Variants in VIPR1 observed in about 807,000 individuals in gnomAD.
The protein encoded by VIPR1 is vasoactive intestinal polypeptide receptor 1.
VIPR1 carries 59 observed loss-of-function variants against 58.8 expected under a neutral mutation model. The ratio of observed to expected loss-of-function variants is 1.00; its 90% CI spans 0.81 to 1.25. The LOEUF is 1.25. Ranked by LOEUF, VIPR1 falls within the 50% of genes most tolerant of loss-of-function variation. The pLI is 0.00. For missense variants in VIPR1, 626 were observed against 602.7 expected (o/e 1.04, Z -0.40); for synonymous variants, 251 against 242.1 (o/e 1.04, Z -0.34).
chr3:42,530,771 C>G lies in VIPR1; in HGVS notation c.637-8C>G. 1 of 1,613,604 alleles carries G rather than the reference C, an allele frequency of 6.2e-7. No homozygotes were observed. The highest frequency in any genetic ancestry group is 8.5e-7 in the Non-Finnish European group (1 of 1,179,618). ...CAGTGAACCCCGTCTTTTCTCCTCCCCCTGCAGGTGGGCTGTAAGGCAGCC... is the reference window on the plus strand; with the variant it reads ...CAGTGAACCCCGTCTTTTCTCCTCCGCCTGCAGGTGGGCTGTAAGGCAGCC... On this transcript the variant is annotated splice_polypyrimidine_tract_variant and splice_region_variant and intron_variant, in intron 6 of 12. Coordinates refer to ENST00000325123, the MANE Select transcript of VIPR1 (RefSeq NM_004624.4).
At chr3:42,494,143 A>C (rs1012993328) in intron 1 of VIPR1, among the ~76,000 whole-genome samples, 2 of 152,254 alleles carry the variant, frequency 1.3e-5, no homozygotes, top group African/African-American at 4.8e-5. Context: ...ACAACTTTGT[A>C]CTTTATTGAC....
At chr3:42,508,420 C>T (rs1448692924) in intron 1 of VIPR1, among the ~76,000 whole-genome samples, 1 of 152,174 alleles carries the variant, frequency 6.6e-6, no homozygotes, top group South Asian at 2.1e-4. Flanking sequence ...TGAAGAGGGG[C>T]TACTACTTCC....
At chr3:42,513,894 G>T in intron 2 of VIPR1, 40 bp downstream of exon 2, 1 of 1,534,114 alleles carries the variant, frequency 6.5e-7, no homozygotes, top group South Asian at 1.2e-5. Context: ...CATGCCCCCA[G>T]GGAGCCCAAG....
chr3:42,506,771 A>G, intron 1 of VIPR1: 1 of 152,070 alleles, frequency 6.6e-6, no homozygotes, highest in East Asian at 1.9e-4. Context: ...CAGGTGATCC[A>G]CCTGCCTCAG....
intron 3 of VIPR1, among the ~76,000 whole-genome samples, chr3:42,524,114 C>A (rs369983510): frequency 1.3e-4 from 20 of 152,202 alleles, no homozygotes; most frequent in Non-Finnish European, 2.6e-4. Flanking sequence ...CGCACCCAGC[C>A]CTTAACCCTG....
chr3:42,536,097 C>T lies in VIPR1; in HGVS notation c.1190C>T (p.Ala397Val), dbSNP rs1034713634. 1 of 1,600,026 alleles carries T rather than the reference C, an allele frequency of 6.2e-7. No homozygotes were observed. Among genetic ancestry groups the T allele is most frequent in the Non-Finnish European group, 8.5e-7 (1 of 1,173,788 alleles). The change falls in exon 13 of 13, where the codon GCG (alanine) becomes GTG (valine). Residue 397 changes from alanine (A) to valine (V), a missense_variant. Transcript: ENST00000325123. ...LYCFLNGEVQ[A>V]ELRRKWRRWH... ...CACCTTCCCCTCTCCTAGGTGCAGG[C>T]GGAGCTGAGGCGGAAGTGGCGGCGC...
At chr3:42,524,425 A>G (rs1701121484) in intron 3 of VIPR1, among the ~76,000 whole-genome samples, 1 of 152,202 alleles carries the variant, frequency 6.6e-6, no homozygotes, top group Non-Finnish European at 1.5e-5. Context: ...AAACTGGCCC[A>G]GTCCAATGCC....
chr3:42,506,043 G>A (rs1700108588), intron 1 of VIPR1, among the ~76,000 whole-genome samples: 1 of 152,198 alleles, frequency 6.6e-6, no homozygotes, highest in South Asian at 2.1e-4. Context: ...CTTCTCCTAC[G>A]TCCCCAGCTT....
intron 1 of VIPR1, 44 bp from the exon 2 acceptor site, chr3:42,513,705 G>A: frequency 1.9e-6 from 3 of 1,545,526 alleles, no homozygotes; most frequent in Non-Finnish European, 2.6e-6. Flanking sequence ...GTGCTCCTGA[G>A]TCTATGGACG....
intron 1 of VIPR1, chr3:42,513,260 G>A (rs1358514878): frequency 1.3e-5 from 2 of 152,942 alleles, no homozygotes; most frequent in Non-Finnish European, 2.9e-5. Flanking sequence ...ACAGAAGCTG[G>A]AAAATACAGC....
intron 4 of VIPR1, among the ~76,000 whole-genome samples, chr3:42,526,335 GA>G (rs995131651): frequency 2.6e-5 from 4 of 152,226 alleles, no homozygotes; most frequent in African/African-American, 9.6e-5. Context: ...ATCCAGAGGG[GA>G]AACCGAGTTG....
chr3:42,528,076 T>C lies in VIPR1; in HGVS notation c.589T>C (p.Leu197=). The C allele has an allele frequency of 1.2e-6, 2 of 1,614,032 alleles. No homozygotes were observed. The highest frequency in any genetic ancestry group is 1.7e-6 in the Non-Finnish European group (2 of 1,179,964). ...LRAAAVFIKD[L]ALFDSGESDQ... ...GGCTGCCGCTGTCTTCATCAAAGAC[T>C]TGGCCCTCTTCGACAGCGGGGAGTC... Residue 197 remains leucine (L), a synonymous_variant, in exon 6 of 13, where the codon TTG becomes CTG. Transcript: ENST00000325123.
chr3:42,514,632 C>T, intron 2 of VIPR1, among the ~76,000 whole-genome samples: 1 of 152,100 alleles, frequency 6.6e-6, no homozygotes, highest in East Asian at 1.9e-4. Context: ...GCCTCTCCAT[C>T]CCAACCCACC....
At chr3:42,529,587 G>A (rs1481105106) in intron 6 of VIPR1, 2 of 152,270 alleles carry the variant, frequency 1.3e-5, no homozygotes, top group Non-Finnish European at 2.9e-5. Context: ...CAACCAAAGG[G>A]AGTGGTGGGG....
Position 42,537,531 on chromosome 3 carries a change from C to G in VIPR1, c.*1250C>G, listed in dbSNP as rs1701918796. 6.6e-6 allele frequency: 1 copy of G among 152,286 alleles called. No individual in the cohort carries two copies. The highest frequency in any genetic ancestry group is 1.5e-5 in the Non-Finnish European group (1 of 68,080). The allele number at this position is 152,286 out of a possible 1,614,324, so 9.4% of individuals were successfully genotyped here. On this transcript the variant is annotated 3_prime_UTR_variant, in exon 13 of 13. Coordinates refer to ENST00000325123, the MANE Select transcript of VIPR1 (RefSeq NM_004624.4). The stretch of plus-strand genomic sequence containing the variant: ...CCTCTGCCAGAAGATCCCCTCAGGA[C>G]TGCAACAGGCTTGTGCAACAATAAA...
chr3:42,520,082 A>T (rs1248980662), intron 3 of VIPR1, among the ~76,000 whole-genome samples: 1 of 152,238 alleles, frequency 6.6e-6, no homozygotes, highest in Non-Finnish European at 1.5e-5. Flanking sequence ...AGGAGGTGAC[A>T]CTTCATCTGC....
chr3:42,535,118 A>C lies in VIPR1; in HGVS notation c.1140+14A>C, dbSNP rs763426020. 34 of 1,613,992 alleles carry C rather than the reference A, an allele frequency of 2.1e-5. 1 individual carries two copies. In the South Asian group the frequency reaches 3.5e-4, roughly 17 times the overall value. ...GGGTCTTTCCAGGTATGGGCTGTTG[A>C]CTTAAGGCTGCATTCTTCCCTGGCT... On this transcript the variant is annotated intron_variant, in intron 11 of 12. Coordinates refer to ENST00000325123, the MANE Select transcript of VIPR1 (RefSeq NM_004624.4).
At chr3:42,509,881 C>T (rs7627240) in intron 1 of VIPR1, 47,821 of 152,248 alleles carry the variant, frequency 0.31, 9,044 homozygotes, top group Non-Finnish European at 0.41. Context: ...TCTCTTTATA[C>T]CCACTGTCCT....
At position 42,513,825 on chromosome 3, in the gene VIPR1, A is replaced by C. The variant is rs1181133130; in HGVS notation, c.155A>C (p.Glu52Ala). Residue 52 changes from glutamate (E) to alanine (A), a missense_variant, in exon 2 of 13, where the codon GAG (glutamate) becomes GCG (alanine). Glu to Ala is a moderately radical substitution (Grantham distance 107, BLOSUM62 -1). Transcript: ENST00000325123. The part of the protein sequence containing the change: ...MIEVQHKQCL[E>A]EAQLENETIG... ...GAGGTGCAGCACAAGCAGTGCCTGG[A>C]GGAGGCCCAGCTGGAGAATGAGACA... 3 of 1,551,506 alleles carry C rather than the reference A, an allele frequency of 1.9e-6. No homozygotes were observed. In the Admixed American group the frequency reaches 5.9e-5, roughly 30 times the overall value.
Sources: allele counts gnomAD v4.1 joint callset (sites outside exome capture counted in the v4.1 genomes callset), GRCh38; gene constraint gnomAD v4.1.1; transcripts MANE v1.5; gene names NCBI Gene and HGNC (gene_info 2026-07-23, HGNC 2026-07-21).